The following WDFY2 variants were observed in gnomAD, a reference collection of about 807,000 sequenced individuals.
WDFY2 encodes WD repeat and FYVE domain containing 2, also known as WD repeat and FYVE domain-containing protein 2.
Under a neutral mutation model 56.4 loss-of-function variants are expected in WDFY2, and 36 were observed. The observed-to-expected ratio is 0.64, with a 90% CI of 0.49 to 0.84. The LOEUF is 0.84. Among genes scored for constraint, WDFY2 ranks in the 40% least tolerant of loss-of-function variants. WDFY2 has a pLI of 0.00. For missense variants in WDFY2, 444 were observed against 512.2 expected (o/e 0.87, Z 1.29); for synonymous variants, 176 against 183.7 (o/e 0.96, Z 0.34).
intron 3 of WDFY2, among the ~76,000 whole-genome samples, chr13:51,679,631 T>C (rs1955945492): frequency 6.6e-6 from 1 of 152,196 alleles, no homozygotes; most frequent in South Asian, 2.1e-4. Flanking sequence ...CAGTATACAT[T>C]ACTGTTAGTT....
intron 1 of WDFY2, among the ~76,000 whole-genome samples, chr13:51,631,629 A>G (rs1242837616): frequency 6.6e-6 from 1 of 152,084 alleles, no homozygotes; most frequent in African/African-American, 2.4e-5. Context: ...TTTTTTTTAC[A>G]TTATGCTCCT....
intron 1 of WDFY2, among the ~76,000 whole-genome samples, chr13:51,616,715 C>T (rs557218947): frequency 1.3e-5 from 2 of 152,238 alleles, no homozygotes; most frequent in South Asian, 4.1e-4. Context: ...GTCGCATGGT[C>T]GTGGCTAAAT....
chr13:51,703,054 G>A (rs890681784), intron 3 of WDFY2, among the ~76,000 whole-genome samples: 21 of 152,188 alleles, frequency 1.4e-4, no homozygotes, highest in Non-Finnish European at 2.8e-4. Context: ...ACATTGAGAA[G>A]TGCTTTTGTG....
intron 4 of WDFY2, among the ~76,000 whole-genome samples, chr13:51,715,696 T>A (rs1159310089): frequency 6.6e-6 from 1 of 152,212 alleles, no homozygotes; most frequent in Non-Finnish European, 1.5e-5. Flanking sequence ...ACCAGTAACA[T>A]GGGTCATTTA....
Position 51,763,954 on chromosome 13 carries a change from A to C in WDFY2, c.*4185A>C, listed in dbSNP as rs1953668144. 6.6e-6 allele frequency: 1 copy of C among 152,214 alleles called. No homozygotes were observed. Among genetic ancestry groups the C allele is most frequent in the African/African-American group, 2.4e-5 (1 of 41,464 alleles). 9.4% of individuals were successfully genotyped at this position (152,214 alleles called of 1,614,324 possible). A position where few individuals can be genotyped will look rare whatever the true frequency, so the allele number is the denominator to read the frequency against. On this transcript the variant is annotated 3_prime_UTR_variant, in exon 12 of 12. Coordinates refer to ENST00000298125, the MANE Select transcript of WDFY2 (RefSeq NM_052950.4). ...TTCCTTTGGTTATGGCTGTTCATAG[A>C]ATTTTAATTCTATGTCAGTGTTCTT...
intron 4 of WDFY2, among the ~76,000 whole-genome samples, chr13:51,705,680 G>A (rs566404732): frequency 1.3e-5 from 2 of 152,056 alleles, no homozygotes; most frequent in African/African-American, 4.8e-5. Context: ...TCACGTAAGG[G>A]TAGATGGGGT....
intron 3 of WDFY2, among the ~76,000 whole-genome samples, chr13:51,696,270 G>A (rs796179661): frequency 2.6e-5 from 4 of 152,316 alleles, no homozygotes; most frequent in Admixed American, 6.5e-5. Context: ...CTTCTGCATC[G>A]CTGACGCTGG....
intron 1 of WDFY2, among the ~76,000 whole-genome samples, chr13:51,643,967 G>A (rs1199864838): frequency 2.0e-5 from 3 of 152,140 alleles, no homozygotes; most frequent in African/African-American, 7.2e-5. Flanking sequence ...TAGGAAGAAG[G>A]ACTTGCTAAC....
chr13:51,694,201 T>A (rs898603577), intron 3 of WDFY2, among the ~76,000 whole-genome samples: 11 of 152,348 alleles, frequency 7.2e-5, no homozygotes, highest in African/African-American at 2.6e-4. Flanking sequence ...TTAATATTTT[T>A]ATGTGTGAAT....
intron 3 of WDFY2, among the ~76,000 whole-genome samples, chr13:51,698,119 CGG>C (rs1951914241): frequency 2.6e-5 from 4 of 152,130 alleles, no homozygotes; most frequent in Non-Finnish European, 5.9e-5. Flanking sequence ...TGTTTTAGCT[CGG>C]ATTTAAACTG....
At chr13:51,713,380 T>C (rs770843714) in intron 4 of WDFY2, among the ~76,000 whole-genome samples, 5 of 152,156 alleles carry the variant, frequency 3.3e-5, no homozygotes, top group African/African-American at 4.8e-5. Context: ...CAAGCAGATA[T>C]ATGTACACCC....
At chr13:51,613,589 A>G (rs1186124730) in intron 1 of WDFY2, among the ~76,000 whole-genome samples, 2 of 152,224 alleles carry the variant, frequency 1.3e-5, no homozygotes, top group Admixed American at 1.3e-4. Context: ...CTTCATTTCA[A>G]GCTACAAGTG....
chr13:51,760,610 C>T lies in WDFY2; in HGVS notation c.*841C>T, dbSNP rs1251922443. On this transcript the variant is annotated 3_prime_UTR_variant, in exon 12 of 12. Transcript: ENST00000298125. ...TTTAGCTTTTTTGACGCAGCTCTCCCTCACTCGTAACAATGAAAACAAATG... is the reference window on the plus strand; with the variant it reads ...TTTAGCTTTTTTGACGCAGCTCTCCTTCACTCGTAACAATGAAAACAAATG... 6.6e-6 allele frequency: 1 copy of T among 152,178 alleles called. No individual in the cohort carries two copies. Among genetic ancestry groups the T allele is most frequent in the African/African-American group, 2.4e-5 (1 of 41,438 alleles). The allele number at this position is 152,178 out of a possible 1,614,324, so 9.4% of individuals were successfully genotyped here. A position where few individuals can be genotyped will look rare whatever the true frequency, so the allele number is the denominator to read the frequency against.
At chr13:51,744,703 G>T (rs1398537273) in intron 7 of WDFY2, among the ~76,000 whole-genome samples, 2 of 152,198 alleles carry the variant, frequency 1.3e-5, no homozygotes, top group African/African-American at 2.4e-5. Context: ...TTGTGCACTT[G>T]TAAGAGCATT....
chr13:51,723,886 A>G (rs1393525399), intron 5 of WDFY2, among the ~76,000 whole-genome samples: 1 of 152,042 alleles, frequency 6.6e-6, no homozygotes, highest in African/African-American at 2.4e-5. Context: ...TATTTTTCCC[A>G]TGTATTTGTT....
At chr13:51,640,670 G>A (rs1955138224) in intron 1 of WDFY2, among the ~76,000 whole-genome samples, 1 of 152,078 alleles carries the variant, frequency 6.6e-6, no homozygotes, top group Non-Finnish European at 1.5e-5. Context: ...CCAATATGGT[G>A]AAACCCTGTC....
At chr13:51,675,352 A>T (rs1955868703) in intron 3 of WDFY2, 109 bp downstream of exon 3, 4 of 1,054,712 alleles carry the variant, frequency 3.8e-6, no homozygotes, top group Non-Finnish European at 5.5e-6. Context: ...CTTGCTAAGT[A>T]GAATGAAAAT....
At chr13:51,713,700 T>C (rs1952277109) in intron 4 of WDFY2, among the ~76,000 whole-genome samples, 1 of 151,860 alleles carries the variant, frequency 6.6e-6, no homozygotes, top group African/African-American at 2.4e-5. Flanking sequence ...ATATAAAAAT[T>C]AGCCTGCGTG....
intron 7 of WDFY2, among the ~76,000 whole-genome samples, chr13:51,749,889 A>G (rs1953189524): frequency 6.6e-6 from 1 of 152,166 alleles, no homozygotes; most frequent in Non-Finnish European, 1.5e-5. Flanking sequence ...AAAGTTTGTC[A>G]GAATAGTTAT....
Sources: gnomAD v4.1 joint callset for allele counts (sites outside exome capture counted in the v4.1 genomes callset) on GRCh38, gnomAD v4.1.1 for gene constraint, MANE v1.5 for transcripts, NCBI Gene and HGNC (gene_info 2026-07-23, HGNC 2026-07-21) for gene names.